The following KHDRBS3 variants were observed in gnomAD, a reference collection of about 807,000 sequenced individuals.
KHDRBS3 encodes the protein KH domain-containing, RNA-binding, signal transduction-associated protein 3.
Under a neutral mutation model 45.6 loss-of-function variants are expected in KHDRBS3, and 23 were observed. That is an observed-to-expected ratio of 0.50 (90% CI 0.36 to 0.72). The LOEUF (loss-of-function observed/expected upper bound fraction) is 0.72. Ranked by LOEUF, KHDRBS3 falls within the 30% of genes least tolerant of loss-of-function variation. The pLI is 0.00. For synonymous variants in KHDRBS3, 162 were observed against 156.5 expected (o/e 1.04, Z -0.26); for missense variants, 352 against 424.8 (o/e 0.83, Z 1.51).
intron 7 of KHDRBS3, among the ~76,000 whole-genome samples, chr8:135,623,096 T>C (rs1316206102): frequency 6.6e-6 from 1 of 152,226 alleles, no homozygotes. Context: ...GAAATTCTAA[T>C]ATGTAGTTTC....
At chr8:135,627,751 T>C (rs117279392) in intron 7 of KHDRBS3, among the ~76,000 whole-genome samples, 91 of 152,334 alleles carry the variant, frequency 6.0e-4, no homozygotes, top group Non-Finnish European at 1.2e-3. Flanking sequence ...TCTCTGGCTT[T>C]TTCTCTTAGA....
At chr8:135,512,812 A>G (rs904897542) in intron 1 of KHDRBS3, among the ~76,000 whole-genome samples, 19 of 152,244 alleles carry the variant, frequency 1.2e-4, no homozygotes, top group Non-Finnish European at 7.3e-5. Context: ...AACAATGAGT[A>G]TATGAAAATA....
At chr8:135,534,997 C>T (rs1164412890) in intron 2 of KHDRBS3, among the ~76,000 whole-genome samples, 1 of 152,032 alleles carries the variant, frequency 6.6e-6, no homozygotes, top group East Asian at 1.9e-4. Context: ...AGCCTGTCTG[C>T]CCCCAACAGT....
intron 7 of KHDRBS3, among the ~76,000 whole-genome samples, chr8:135,627,231 T>C (rs1290592018): frequency 6.6e-6 from 1 of 152,192 alleles, no homozygotes; most frequent in Non-Finnish European, 1.5e-5. Flanking sequence ...TCTGCCCTTC[T>C]CTTCCGCACT....
chr8:135,542,524 A>C, intron 2 of KHDRBS3, 130 bp from the exon 3 acceptor site: 1 of 633,910 alleles, frequency 1.6e-6, no homozygotes, highest in Non-Finnish European at 2.9e-6. Context: ...ATTTTAATGC[A>C]TGTAGCAGGA....
intron 7 of KHDRBS3, among the ~76,000 whole-genome samples, chr8:135,622,365 T>C (rs988865926): frequency 1.5e-4 from 23 of 152,234 alleles, no homozygotes; most frequent in Admixed American, 1.5e-3. Context: ...TAAATTCTTT[T>C]AATGCTGCAT....
intron 7 of KHDRBS3, among the ~76,000 whole-genome samples, chr8:135,631,552 C>T (rs1830605856): frequency 1.3e-5 from 2 of 152,124 alleles, no homozygotes; most frequent in African/African-American, 2.4e-5. Flanking sequence ...TCTACCTCCA[C>T]ATCTTGTGCC....
chr8:135,532,297 AG>A (rs1163879646), intron 2 of KHDRBS3, among the ~76,000 whole-genome samples: 1 of 152,200 alleles, frequency 6.6e-6, no homozygotes, highest in East Asian at 1.9e-4. Flanking sequence ...AGCTAATAAA[AG>A]TATCGATCGG....
Position 135,653,017 on chromosome 8 carries a change from A to G in KHDRBS3, c.*118-3209A>G, listed in dbSNP as rs931489998. 3.3e-5 allele frequency among the ~76,000 whole-genome samples: 5 copies of G among 152,232 alleles called. No individual in the cohort carries two copies. The South Asian group carries it at 8.3e-4, about 25-fold the overall frequency. ...TTGAGGAGAACTTACCAGGTTATTAAGTTCTGTCCTGTGTGTTTATCTCAT... is the reference window on the plus strand; with the variant it reads ...TTGAGGAGAACTTACCAGGTTATTAGGTTCTGTCCTGTGTGTTTATCTCAT... On this transcript the variant is annotated intron_variant and NMD_transcript_variant, in intron 4 of 4. Transcript: ENST00000521461.
chr8:135,630,052 C>T (rs890504427), intron 7 of KHDRBS3, among the ~76,000 whole-genome samples: 1 of 152,168 alleles, frequency 6.6e-6, no homozygotes, highest in African/African-American at 2.4e-5. Flanking sequence ...GCATTTACAG[C>T]GACATGATCT....
chr8:135,484,864 A>G (rs987287820), intron 1 of KHDRBS3, among the ~76,000 whole-genome samples: 1 of 152,186 alleles, frequency 6.6e-6, no homozygotes, highest in African/African-American at 2.4e-5. Flanking sequence ...TAAGTTGACA[A>G]TATTTATTGC....
chr8:135,593,612 GCAC>G (rs1400942772), intron 6 of KHDRBS3, among the ~76,000 whole-genome samples: 3 of 152,046 alleles, frequency 2.0e-5, no homozygotes, highest in Non-Finnish European at 2.9e-5. Context: ...TGAGTAGCTG[GCAC>G]CACATGTGTG....
At chr8:135,485,769 A>G (rs996029510) in intron 1 of KHDRBS3, among the ~76,000 whole-genome samples, 2 of 149,466 alleles carry the variant, frequency 1.3e-5, no homozygotes, top group Admixed American at 6.7e-5. Flanking sequence ...TCACCCAAGC[A>G]TTTTCACCTG....
At chr8:135,564,671 T>A (rs983279069) in intron 5 of KHDRBS3, among the ~76,000 whole-genome samples, 1 of 152,218 alleles carries the variant, frequency 6.6e-6, no homozygotes, top group African/African-American at 2.4e-5. Context: ...CTGGTCTATG[T>A]CTTGACCTAG....
At chr8:135,609,839 A>G (rs1344941225) in intron 7 of KHDRBS3, among the ~76,000 whole-genome samples, 1 of 151,772 alleles carries the variant, frequency 6.6e-6, no homozygotes. Flanking sequence ...ATCACAATAT[A>G]GTGATGTTTA....
At chr8:135,478,073 A>G (rs945370030) in intron 1 of KHDRBS3, among the ~76,000 whole-genome samples, 1 of 152,176 alleles carries the variant, frequency 6.6e-6, no homozygotes, top group East Asian at 1.9e-4. Flanking sequence ...CATGCTCCTT[A>G]TAAGAATCCA....
chr8:135,581,531 C>T (rs919735015), intron 5 of KHDRBS3, among the ~76,000 whole-genome samples: 4 of 152,118 alleles, frequency 2.6e-5, no homozygotes, highest in African/African-American at 9.7e-5. Context: ...CAAGAAAAGG[C>T]ACACCTCATA....
chr8:135,624,825 C>T (rs1018435327), intron 7 of KHDRBS3, among the ~76,000 whole-genome samples: 4 of 152,192 alleles, frequency 2.6e-5, no homozygotes, highest in Admixed American at 1.3e-4. Flanking sequence ...TTCACATTAG[C>T]TTAAAATTCA....
At chr8:135,623,200 GA>G (rs1224605057) in intron 7 of KHDRBS3, among the ~76,000 whole-genome samples, 4 of 152,156 alleles carry the variant, frequency 2.6e-5, no homozygotes, top group Non-Finnish European at 5.9e-5. Context: ...TCCTTTGCCA[GA>G]AAAAAATAAG....
Sources: allele counts gnomAD v4.1 joint callset (sites outside exome capture counted in the v4.1 genomes callset), GRCh38; gene constraint gnomAD v4.1.1; transcripts MANE v1.5; gene names NCBI Gene and HGNC (gene_info 2026-07-23, HGNC 2026-07-21).